Variants in MYO16 observed in about 807,000 individuals in gnomAD.
MYO16 encodes the protein unconventional myosin-XVI.
In MYO16, 94 loss-of-function variants were observed where a neutral mutation model predicts 205.3. The ratio of observed to expected loss-of-function variants is 0.46; its 90% CI spans 0.39 to 0.54. The LOEUF (loss-of-function observed/expected upper bound fraction) is 0.54. Among genes scored for constraint, MYO16 ranks in the 20% least tolerant of loss-of-function variants. The probability of loss-of-function intolerance (pLI) is 0.00; values close to 1 mark genes in which losing one functional copy is unlikely to be tolerated. For synonymous variants in MYO16, 988 were observed against 954.0 expected (o/e 1.04, Z -0.66); for missense variants, 2,315 against 2,387.5 (o/e 0.97, Z 0.63).
rs988876429 is a variant in MYO16 at position 108,858,701 on chromosome 13, A to G, written c.1359+3148A>G. Among the ~76,000 whole-genome samples, 4 of 152,142 alleles carry G rather than the reference A, an allele frequency of 2.6e-5. No individual in the cohort carries two copies. The East Asian group carries it at 5.8e-4, about 22-fold the overall frequency. On this transcript the variant is annotated intron_variant, in intron 11 of 34. Coordinates refer to ENST00000457511, the MANE Select transcript of MYO16 (RefSeq NM_001198950.3). ...CTTGACCTCCCCTCTGTCTATTCTC[A>G]ACACAAAAATTCAGAGTAACAGTGT...
At chr13:108,667,724 T>G (rs1449625814) in intron 2 of MYO16, among the ~76,000 whole-genome samples, 1 of 152,190 alleles carries the variant, frequency 6.6e-6, no homozygotes, top group Non-Finnish European at 1.5e-5. Flanking sequence ...ATTTAAGCCC[T>G]ATTTTGATTT....
intron 20 of MYO16, among the ~76,000 whole-genome samples, chr13:108,969,374 A>G (rs1883920355): frequency 6.6e-6 from 1 of 152,260 alleles, no homozygotes; most frequent in Non-Finnish European, 1.5e-5. Context: ...CACCGAAGGT[A>G]TTAACAAAGT....
chr13:108,714,057 T>G (rs983495307), intron 3 of MYO16, among the ~76,000 whole-genome samples: 14 of 151,952 alleles, frequency 9.2e-5, no homozygotes, highest in African/African-American at 3.1e-4. Flanking sequence ...TTTGTTTGTT[T>G]TTGTTGTTGT....
chr13:108,816,153 T>TA (rs879313951), intron 7 of MYO16, among the ~76,000 whole-genome samples: 2 of 152,128 alleles, frequency 1.3e-5, no homozygotes, highest in Non-Finnish European at 2.9e-5. Flanking sequence ...ACCACAAATA[T>TA]AAAAGTTAAA....
At chr13:108,894,460 G>A (rs935406429) in intron 14 of MYO16, among the ~76,000 whole-genome samples, 2 of 152,086 alleles carry the variant, frequency 1.3e-5, no homozygotes, top group Admixed American at 1.3e-4. Context: ...AAAGGGTTTG[G>A]GTGGAAACTA....
intron 24 of MYO16, 123 bp downstream of exon 24, chr13:109,047,114 C>T: frequency 1.4e-6 from 1 of 701,542 alleles, no homozygotes. Flanking sequence ...ATGCCTTTTG[C>T]ATTCTAATGC....
intron 4 of MYO16, among the ~76,000 whole-genome samples, chr13:108,755,663 AT>A (rs2139646373): frequency 6.6e-6 from 1 of 152,260 alleles, no homozygotes; most frequent in South Asian, 2.1e-4. Context: ...CTTCAAAAAA[AT>A]GAAGTAATTT....
At chr13:108,606,761 G>T (rs1302921436) in intron 1 of MYO16, among the ~76,000 whole-genome samples, 3 of 152,168 alleles carry the variant, frequency 2.0e-5, no homozygotes, top group Non-Finnish European at 4.4e-5. Context: ...CCAGACCCCA[G>T]AATGGTAGAT....
intron 16 of MYO16, among the ~76,000 whole-genome samples, chr13:108,911,416 C>G (rs1881261118): frequency 1.3e-5 from 2 of 152,024 alleles, no homozygotes; most frequent in Admixed American, 6.6e-5. Context: ...CCAGGTAGTA[C>G]CTGTGGTAGA....
chr13:108,686,409 G>T (rs1882678690), intron 2 of MYO16, among the ~76,000 whole-genome samples: 1 of 152,208 alleles, frequency 6.6e-6, no homozygotes, highest in African/African-American at 2.4e-5. Flanking sequence ...GTATTTTAAA[G>T]ACAAAGGCCT....
chr13:108,753,433 G>GT (rs1885319968), intron 4 of MYO16, among the ~76,000 whole-genome samples: 1 of 145,070 alleles, frequency 6.9e-6, no homozygotes, highest in Non-Finnish European at 1.5e-5. Flanking sequence ...AGGATTATAT[G>GT]TTTTTTGTAT....
chr13:108,848,009 G>A (rs1594340576), intron 10 of MYO16, among the ~76,000 whole-genome samples: 2 of 152,204 alleles, frequency 1.3e-5, no homozygotes, highest in South Asian at 4.1e-4. Context: ...GAGCGGGAAA[G>A]AGGCGTGCAG....
At chr13:109,024,592 A>G (rs1478708527) in intron 23 of MYO16, among the ~76,000 whole-genome samples, 3 of 152,190 alleles carry the variant, frequency 2.0e-5, no homozygotes, top group African/African-American at 7.2e-5. Context: ...GAATTCTGAT[A>G]GAAATAAAGC....
At chr13:108,881,477 T>C (rs778333536) in intron 12 of MYO16, among the ~76,000 whole-genome samples, 1 of 152,200 alleles carries the variant, frequency 6.6e-6, no homozygotes, top group Non-Finnish European at 1.5e-5. Flanking sequence ...CTTCAGATGA[T>C]AGGTAATAAC....
At chr13:108,717,479 A>C (rs1883989755) in intron 3 of MYO16, among the ~76,000 whole-genome samples, 1 of 151,824 alleles carries the variant, frequency 6.6e-6, no homozygotes, top group Admixed American at 6.6e-5. Context: ...AAATACAAAA[A>C]ATTAGCCGGG....
At chr13:108,737,343 A>G (rs1250980124) in intron 4 of MYO16, among the ~76,000 whole-genome samples, 1 of 152,202 alleles carries the variant, frequency 6.6e-6, no homozygotes, top group Non-Finnish European at 1.5e-5. Flanking sequence ...AGTTTTTAGC[A>G]TGAAGGGCTG....
At chr13:108,945,697 CCTATTA>C (rs1882912502) in intron 16 of MYO16, among the ~76,000 whole-genome samples, 1 of 152,006 alleles carries the variant, frequency 6.6e-6, no homozygotes, top group South Asian at 2.1e-4. Flanking sequence ...GATCCAATAT[CCTATTA>C]CTGATGTCAT....
chr13:108,705,057 A>T (rs566595200), intron 2 of MYO16, among the ~76,000 whole-genome samples: 10 of 145,830 alleles, frequency 6.9e-5, no homozygotes, highest in African/African-American at 2.5e-4. Context: ...CCATGGTTTT[A>T]GGTACCTATG....
At chr13:108,576,291 T>C in the MYO16 span, among the ~76,000 whole-genome samples, 1 of 152,194 alleles carries the variant, frequency 6.6e-6, no homozygotes, top group Non-Finnish European at 1.5e-5. Context: ...CACCGCAGTC[T>C]TTTAAACACA....
Sources: gnomAD v4.1 joint callset for allele counts (sites outside exome capture counted in the v4.1 genomes callset) on GRCh38, gnomAD v4.1.1 for gene constraint, MANE v1.5 for transcripts, NCBI Gene and HGNC (gene_info 2026-07-23, HGNC 2026-07-21) for gene names.